Variants in ZFAND3 observed in about 807,000 individuals in gnomAD.
The protein encoded by ZFAND3 is AN1-type zinc finger protein 3.
Under a neutral mutation model 29.6 loss-of-function variants are expected in ZFAND3, and 10 were observed. That is an observed-to-expected ratio of 0.34 (90% CI 0.21 to 0.57). The LOEUF (loss-of-function observed/expected upper bound fraction) is 0.57, where lower values mean the gene tolerates loss of function less well. Ranked by LOEUF, ZFAND3 falls within the 20% of genes least tolerant of loss-of-function variation. The probability of loss-of-function intolerance (pLI) is 0.86; values close to 1 mark genes in which losing one functional copy is unlikely to be tolerated. For missense variants in ZFAND3, 230 were observed against 304.5 expected, an observed-to-expected ratio of 0.76 and a Z score of 1.82; for synonymous variants, 128 against 112.6, an observed-to-expected ratio of 1.14 and a Z score of -0.87.
At chr6:37,952,079 A>G (rs912707213) in intron 2 of ZFAND3, among the ~76,000 whole-genome samples, 27 of 152,158 alleles carry the variant, frequency 1.8e-4, no homozygotes, top group African/African-American at 6.5e-4. Context: ...GATTAGCTTT[A>G]TGATATGCAG....
chr6:37,889,644 G>T (rs1193448457), intron 1 of ZFAND3, among the ~76,000 whole-genome samples: 1 of 152,228 alleles, frequency 6.6e-6, no homozygotes, highest in African/African-American at 2.4e-5. Context: ...GTGAGACCCA[G>T]TGTGCTTGAT....
At chr6:37,821,830 CTTTA>C (rs556201960) in intron 1 of ZFAND3, among the ~76,000 whole-genome samples, 2 of 152,050 alleles carry the variant, frequency 1.3e-5, no homozygotes, top group Non-Finnish European at 2.9e-5. Flanking sequence ...AGCCTTTTAC[CTTTA>C]TTTATTTATT....
At chr6:37,917,504 GA>G in intron 1 of ZFAND3, among the ~76,000 whole-genome samples, 1 of 152,164 alleles carries the variant, frequency 6.6e-6, no homozygotes. Context: ...AAAAGCAATA[GA>G]ATCTCTGGTG....
At chr6:37,906,202 A>G (rs1419699322) in intron 1 of ZFAND3, among the ~76,000 whole-genome samples, 1 of 152,116 alleles carries the variant, frequency 6.6e-6, no homozygotes, top group Non-Finnish European at 1.5e-5. Flanking sequence ...GCCACTTCCT[A>G]TTCTTTTCTC....
chr6:37,877,323 T>C (rs1764811885), intron 1 of ZFAND3, among the ~76,000 whole-genome samples: 1 of 152,184 alleles, frequency 6.6e-6, no homozygotes, highest in Non-Finnish European at 1.5e-5. Flanking sequence ...TCATGGAAAT[T>C]GATTGTTTCC....
intron 2 of ZFAND3, among the ~76,000 whole-genome samples, chr6:38,052,959 G>A (rs1044524922): frequency 5.3e-5 from 8 of 151,878 alleles, no homozygotes; most frequent in South Asian, 2.1e-4. Flanking sequence ...GCTCGAACCC[G>A]GGAGGCGGAG....
At chr6:38,023,129 C>A (rs1763381784) in intron 2 of ZFAND3, among the ~76,000 whole-genome samples, 1 of 152,156 alleles carries the variant, frequency 6.6e-6, no homozygotes, top group South Asian at 2.1e-4. Flanking sequence ...TACACTCTAA[C>A]CATGAATCTA....
intron 1 of ZFAND3, among the ~76,000 whole-genome samples, chr6:37,881,008 T>TA (rs59495173): frequency 1.0e-3 from 148 of 143,480 alleles, no homozygotes; most frequent in Middle Eastern, 3.5e-3. Flanking sequence ...ACTTAGAGTA[T>TA]AAAAAAAAAA....
At chr6:37,884,517 AAAG>A (rs1208111247) in intron 1 of ZFAND3, among the ~76,000 whole-genome samples, 4 of 142,124 alleles carry the variant, frequency 2.8e-5, no homozygotes, top group East Asian at 2.0e-4. Flanking sequence ...AAAAAAAAAA[AAAG>A]AATTACATCA....
At chr6:38,026,287 CT>C (rs977563150) in intron 2 of ZFAND3, among the ~76,000 whole-genome samples, 9 of 152,148 alleles carry the variant, frequency 5.9e-5, no homozygotes, top group Non-Finnish European at 1.2e-4. Flanking sequence ...ACTACTCCTT[CT>C]TTTGCCGTCT....
rs181523590 is a variant in ZFAND3 at position 37,951,614 on chromosome 6, A to T, written c.112+21615A>T. ...TCTAAAAAAAATAAAAATAAAGATT[A>T]AAAAAACCATATATCATTTGCAGAA... On this transcript the variant is annotated intron_variant, in intron 2 of 5. Coordinates refer to ENST00000287218, the MANE Select transcript of ZFAND3 (RefSeq NM_021943.3). 1.4e-4 allele frequency among the ~76,000 whole-genome samples: 22 copies of T among 152,188 alleles called. No homozygotes were observed. The East Asian group carries it at 2.3e-3, about 16-fold the overall frequency.
intron 1 of ZFAND3, among the ~76,000 whole-genome samples, chr6:37,903,804 CTG>C (rs1554155492): frequency 6.6e-6 from 1 of 152,164 alleles, no homozygotes; most frequent in Non-Finnish European, 1.5e-5. Flanking sequence ...AATCTATCCT[CTG>C]TACCTTGTAA....
chr6:37,872,359 G>T (rs1764710553), intron 1 of ZFAND3, among the ~76,000 whole-genome samples: 1 of 152,214 alleles, frequency 6.6e-6, no homozygotes, highest in Non-Finnish European at 1.5e-5. Flanking sequence ...GTATGGAACA[G>T]TGGGGCCAGT....
intron 1 of ZFAND3, among the ~76,000 whole-genome samples, chr6:37,874,290 C>T (rs1039321944): frequency 5.3e-5 from 8 of 152,174 alleles, no homozygotes; most frequent in Non-Finnish European, 8.8e-5. Context: ...CCAAAGCAGG[C>T]GGATCACCTG....
intron 5 of ZFAND3, among the ~76,000 whole-genome samples, chr6:38,128,524 A>G (rs1291909542): frequency 6.6e-6 from 1 of 152,070 alleles, no homozygotes; most frequent in Non-Finnish European, 1.5e-5. Context: ...TCGTTGTGTC[A>G]TTCCTATCCC....
intron 2 of ZFAND3, among the ~76,000 whole-genome samples, chr6:38,060,128 A>G (rs1764205690): frequency 1.3e-5 from 2 of 152,150 alleles, no homozygotes; most frequent in African/African-American, 4.8e-5. Context: ...ACCTGTGTAT[A>G]TGGAGGACCA....
chr6:38,078,847 T>C (rs889574474), intron 3 of ZFAND3, among the ~76,000 whole-genome samples: 1 of 152,130 alleles, frequency 6.6e-6, no homozygotes, highest in Non-Finnish European at 1.5e-5. Context: ...AGGTGAAAAA[T>C]GGGAGCCAAG....
intron 2 of ZFAND3, among the ~76,000 whole-genome samples, chr6:37,949,534 C>A (rs1761961085): frequency 6.6e-6 from 1 of 152,144 alleles, no homozygotes; most frequent in Non-Finnish European, 1.5e-5. Context: ...GGGCTCCTTC[C>A]CCAAGACTGC....
intron 1 of ZFAND3, among the ~76,000 whole-genome samples, chr6:37,890,912 G>A (rs1765084639): frequency 6.6e-6 from 1 of 152,206 alleles, no homozygotes. Context: ...GGCAGAGCAG[G>A]CAGCTCCAAA....
Sources: allele counts gnomAD v4.1 joint callset (sites outside exome capture counted in the v4.1 genomes callset), GRCh38; gene constraint gnomAD v4.1.1; transcripts MANE v1.5; gene names NCBI Gene and HGNC (gene_info 2026-07-23, HGNC 2026-07-21).